Variants in BTG1 observed in about 807,000 individuals in gnomAD.
BTG1 encodes BTG anti-proliferation factor 1.
Under a neutral mutation model 15.2 loss-of-function variants are expected in BTG1, and 2 were observed. The ratio of observed to expected loss-of-function variants is 0.13; its 90% CI spans 0.05 to 0.41. The LOEUF is 0.41. BTG1 is among the 10% of genes least tolerant of loss of function. The pLI is 0.99. For missense variants in BTG1, 149 were observed against 215.0 expected (o/e 0.69, Z 1.92); for synonymous variants, 109 against 82.4 (o/e 1.32, Z -1.75).
At position 92,142,284 on chromosome 12, in the gene BTG1, ATTTCAAGTAATTACTAATTTTAT is replaced by A; in HGVS notation, c.*1773_*1795del. On this transcript the variant is annotated 3_prime_UTR_variant, in exon 2 of 2. Transcript: ENST00000256015. ...TCTTAAAAGTTATTTGAGATTACTAATTTCAAGTAATTACTAATTTTATTTCAGACTGCGTATTTCCAGTGTCA... is the reference window on the plus strand; with the variant it reads ...TCTTAAAAGTTATTTGAGATTACTAATTCAGACTGCGTATTTCCAGTGTCA... The A allele has an allele frequency of 4.3e-6, 1 of 230,830 alleles. No homozygotes were observed. The highest frequency in any genetic ancestry group is 8.6e-6 in the Non-Finnish European group (1 of 116,614). 14.3% of individuals were successfully genotyped at this position (230,830 alleles called of 1,614,324 possible).
In BTG1 at chr12:92,143,846, T is replaced by G; in HGVS notation, c.*234A>C. The G allele has an allele frequency of 2.0e-6, 1 of 499,456 alleles. No individual in the cohort carries two copies. The highest frequency in any genetic ancestry group is 3.4e-6 in the Non-Finnish European group (1 of 290,330). The allele number at this position is 499,456 out of a possible 1,614,324, so 30.9% of individuals were successfully genotyped here. On this transcript the variant is annotated 3_prime_UTR_variant, in exon 2 of 2. Coordinates refer to ENST00000256015, the MANE Select transcript of BTG1 (RefSeq NM_001731.3). ...CCCTAGGACTTCCCTCCCTAGCAAA[T>G]AAAGTGATCATTTACTTGGACTCAC...
chr12:92,145,240 G>T, intron 1 of BTG1, 148 bp downstream of exon 1: 1 of 1,216,476 alleles, frequency 8.2e-7, no homozygotes, highest in Non-Finnish European at 1.1e-6. Context: ...CGCTGTTAGC[G>T]GCCACCCAGC....
chr12:92,145,434 C>G lies in BTG1; in HGVS notation c.102G>C (p.Glu34Asp). Residue 34 changes from glutamate (E) to aspartate (D), a missense_variant, in exon 1 of 2, where the codon GAG (glutamate) becomes GAC (aspartate). By Grantham distance (45) the Glu-to-Asp change is conservative (BLOSUM62 2). This residue lies in a region of BTG1 where 63 missense variants were observed against 60.8 expected (regional missense o/e 1.04). Transcript: ENST00000256015. ...TCTGGCTGAAGGTCTGCAGCTGTCG[C>G]TCGCTCGTGAGCCCCTTGGTGCGGA... ...KFLRTKGLTS[E>D]RQLQTFSQSL... 1 of 1,592,138 alleles carries G rather than the reference C, an allele frequency of 6.3e-7. No homozygotes were observed. The highest frequency in any genetic ancestry group is 8.5e-7 in the Non-Finnish European group (1 of 1,170,738).
chr12:92,141,311 C>T lies in BTG1; in HGVS notation c.*2769G>A, dbSNP rs1870208284. The T allele has an allele frequency of 4.3e-6, 1 of 232,510 alleles. No individual in the cohort carries two copies. Among genetic ancestry groups the T allele is most frequent in the Non-Finnish European group, 8.5e-6 (1 of 117,684 alleles). The allele number at this position is 232,510 out of a possible 1,614,324, so 14.4% of individuals were successfully genotyped here. On this transcript the variant is annotated 3_prime_UTR_variant, in exon 2 of 2. Coordinates refer to ENST00000256015, the MANE Select transcript of BTG1 (RefSeq NM_001731.3). ...GAAATATTGCACATAAGGATAAAGA[C>T]ATGAGATTCCCATTCCAGATGACAA...
rs28399533 is a variant in BTG1 at position 92,145,822 on chromosome 12, G to C, written c.-287C>G. ...TCCGCAGCATTCGAAGATCTCAATAGCTGCATTTCCAGCTCCGAGAGGCGA... is the reference window on the plus strand; with the variant it reads ...TCCGCAGCATTCGAAGATCTCAATACCTGCATTTCCAGCTCCGAGAGGCGA... On this transcript the variant is annotated 5_prime_UTR_variant, in exon 1 of 2. Transcript: ENST00000256015. The C allele has an allele frequency of 1.6e-5, 4 of 246,638 alleles. No individual in the cohort carries two copies. The highest frequency in any genetic ancestry group is 1.1e-4 in the Admixed American group (2 of 17,936). 15.3% of individuals were successfully genotyped at this position (246,638 alleles called of 1,614,324 possible).
Position 92,140,742 on chromosome 12 carries a change from G to C in BTG1, c.*3338C>G, listed in dbSNP as rs1389876528. ...ATAAAAGTTCAGTGGCAGAGACTGA[G>C]AGATAAGTCTAAAATGTTGGCAGTC... On this transcript the variant is annotated 3_prime_UTR_variant, in exon 2 of 2. Coordinates refer to ENST00000256015, the MANE Select transcript of BTG1 (RefSeq NM_001731.3). The C allele has an allele frequency of 4.3e-6, 1 of 232,330 alleles. No homozygotes were observed. Among genetic ancestry groups the C allele is most frequent in the Middle Eastern group, 1.3e-3 (1 of 780 alleles). The allele number at this position is 232,330 out of a possible 1,614,324, so 14.4% of individuals were successfully genotyped here. A position where few individuals can be genotyped will look rare whatever the true frequency, so the allele number is the denominator to read the frequency against.
rs1307333410 is a variant in BTG1 at position 92,144,302 on chromosome 12, G to C, written c.294C>G (p.Leu98=). The C allele has an allele frequency of 6.2e-7, 1 of 1,614,210 alleles. No individual in the cohort carries two copies. Among genetic ancestry groups the C allele is most frequent in the East Asian group, 2.2e-5 (1 of 44,880 alleles). Residue 98 remains leucine, a synonymous_variant, in exon 2 of 2, where the codon CTC becomes CTG. Coordinates refer to ENST00000256015, the MANE Select transcript of BTG1 (RefSeq NM_001731.3). The part of the protein sequence containing the change: ...GLSSQELFRL[L]PSELTLWVDP... ...CAACCCAGAGTGTGAGTTCACTTGG[G>C]AGAAGCCTGAACAGCTCCTGACTGC...
chr12:92,141,105 C>T lies in BTG1; in HGVS notation c.*2975G>A. The T allele has an allele frequency of 4.3e-6, 1 of 232,870 alleles. No homozygotes were observed. 14.4% of individuals were successfully genotyped at this position (232,870 alleles called of 1,614,324 possible). On this transcript the variant is annotated 3_prime_UTR_variant, in exon 2 of 2. Transcript: ENST00000256015. Reference sequence around the variant, plus strand: ...AGCCTGGAAACCTGTAGTCATTAAACACTAGCCATCGGGAATACGGCTTCC... The same window carrying T: ...AGCCTGGAAACCTGTAGTCATTAAATACTAGCCATCGGGAATACGGCTTCC...
chr12:92,144,120 C>A lies in BTG1; in HGVS notation c.476G>T (p.Ser159Ile). ...CATCATATTGTAGTTTTTGGAAGGG[C>A]TCGTTCTGCCCAAGAGAAGTTCCTC... ...CKEELLLGRTSPSKNYNMMTV... is the reference protein window; with the variant it reads ...CKEELLLGRTIPSKNYNMMTV... The change falls in exon 2 of 2, where the codon AGC becomes ATC. Residue 159 changes from serine (S) to isoleucine (I), a missense_variant. Transcript: ENST00000256015. 6.2e-7 allele frequency: 1 copy of A among 1,613,434 alleles called. No individual in the cohort carries two copies. The highest frequency in any genetic ancestry group is 1.1e-5 in the South Asian group (1 of 91,058).
intron 1 of BTG1, 91 bp downstream of exon 1, chr12:92,145,269 CGGCGGGGCCCAAGCGCGACCGGCCCCGG>C (rs1870509621): frequency 7.6e-7 from 1 of 1,309,222 alleles, no homozygotes; most frequent in East Asian, 3.1e-5. Flanking sequence ...ACCGGTCCCG[CGGCGGGGCCCAAGCGCGACCGGCCCCGG>C]GGCGCTGCCG....
Position 92,145,268 on chromosome 12 carries a change from G to A in BTG1, c.148+120C>T, listed in dbSNP as rs957963850. ...CACCCAGCGCAACCACACCGGTCCC[G>A]CGGCGGGGCCCAAGCGCGACCGGCC... On this transcript the variant is annotated intron_variant, in intron 1 of 1. Coordinates refer to ENST00000256015, the MANE Select transcript of BTG1 (RefSeq NM_001731.3). 3.1e-6 allele frequency: 4 copies of A among 1,306,802 alleles called. No individual in the cohort carries two copies. The African/African-American group carries it at 6.2e-5, about 20-fold the overall frequency. The allele number at this position is 1,306,802 out of a possible 1,614,324, so 81.0% of individuals were successfully genotyped here.
In BTG1 at chr12:92,141,919, G is replaced by A. The variant is rs763230441; in HGVS notation, c.*2161C>T. 4 of 232,116 alleles carry A rather than the reference G, an allele frequency of 1.7e-5. No individual in the cohort carries two copies. 14.4% of individuals were successfully genotyped at this position (232,116 alleles called of 1,614,324 possible). On this transcript the variant is annotated 3_prime_UTR_variant, in exon 2 of 2. Coordinates refer to ENST00000256015, the MANE Select transcript of BTG1 (RefSeq NM_001731.3). Reference sequence around the variant, plus strand: ...TATGATAAAAAAAAAAAATGGTTGAGGTACTTAGTTTCAATGGAGTTACCA... The same window carrying A: ...TATGATAAAAAAAAAAAATGGTTGAAGTACTTAGTTTCAATGGAGTTACCA...
Position 92,141,923 on chromosome 12 carries a change from C to A in BTG1, c.*2157G>T, listed in dbSNP as rs1056577970. 7 of 231,554 alleles carry A rather than the reference C, an allele frequency of 3.0e-5. No homozygotes were observed. The highest frequency in any genetic ancestry group is 1.5e-4 in the African/African-American group (7 of 45,182). 14.3% of individuals were successfully genotyped at this position (231,554 alleles called of 1,614,324 possible). A position where few individuals can be genotyped will look rare whatever the true frequency, so the allele number is the denominator to read the frequency against. ...ATAAAAAAAAAAAATGGTTGAGGTA[C>A]TTAGTTTCAATGGAGTTACCAGATG... On this transcript the variant is annotated 3_prime_UTR_variant, in exon 2 of 2. Transcript: ENST00000256015.
Position 92,141,094 on chromosome 12 carries a change from T to G in BTG1, c.*2986A>C, listed in dbSNP as rs1158982137. The G allele has an allele frequency of 4.3e-6, 1 of 232,786 alleles. No individual in the cohort carries two copies. Among genetic ancestry groups the G allele is most frequent in the Non-Finnish European group, 8.5e-6 (1 of 117,814 alleles). The allele number at this position is 232,786 out of a possible 1,614,324, so 14.4% of individuals were successfully genotyped here. ...AGATTAAAGGGAGCCTGGAAACCTGTAGTCATTAAACACTAGCCATCGGGA... is the reference window on the plus strand; with the variant it reads ...AGATTAAAGGGAGCCTGGAAACCTGGAGTCATTAAACACTAGCCATCGGGA... On this transcript the variant is annotated 3_prime_UTR_variant, in exon 2 of 2. Coordinates refer to ENST00000256015, the MANE Select transcript of BTG1 (RefSeq NM_001731.3).
chr12:92,145,655 G>A lies in BTG1; in HGVS notation c.-120C>T. ...AGGCTGAGAGGAAGAGAGGGCGTGA[G>A]GGGCGGACGACTACTTTTGTCTTTC... is the stretch of plus-strand genomic sequence containing the variant. On this transcript the variant is annotated 5_prime_UTR_variant, in exon 1 of 2. Coordinates refer to ENST00000256015, the MANE Select transcript of BTG1 (RefSeq NM_001731.3). The A allele has an allele frequency of 4.9e-6, 3 of 617,422 alleles. No homozygotes were observed. Among genetic ancestry groups the A allele is most frequent in the East Asian group, 3.6e-5 (1 of 27,612 alleles). 38.2% of individuals were successfully genotyped at this position (617,422 alleles called of 1,614,324 possible). A position where few individuals can be genotyped will look rare whatever the true frequency, so the allele number is the denominator to read the frequency against.
chr12:92,145,638 A>C lies in BTG1; in HGVS notation c.-103T>G. 1 of 808,102 alleles carries C rather than the reference A, an allele frequency of 1.2e-6. No individual in the cohort carries two copies. Among genetic ancestry groups the C allele is most frequent in the Non-Finnish European group, 1.7e-6 (1 of 591,698 alleles). 50.1% of individuals were successfully genotyped at this position (808,102 alleles called of 1,614,324 possible). Reference sequence around the variant, plus strand: ...CTTCCTCACCGGGCGGAAGGCTGAGAGGAAGAGAGGGCGTGAGGGGCGGAC... The same window carrying C: ...CTTCCTCACCGGGCGGAAGGCTGAGCGGAAGAGAGGGCGTGAGGGGCGGAC... On this transcript the variant is annotated 5_prime_UTR_variant, in exon 1 of 2. Coordinates refer to ENST00000256015, the MANE Select transcript of BTG1 (RefSeq NM_001731.3).
In BTG1 at chr12:92,142,771, T is replaced by C. The variant is rs555587169; in HGVS notation, c.*1309A>G. 17 of 233,078 alleles carry C rather than the reference T, an allele frequency of 7.3e-5. No homozygotes were observed. In the East Asian group the frequency reaches 1.0e-3, roughly 14 times the overall value. 14.4% of individuals were successfully genotyped at this position (233,078 alleles called of 1,614,324 possible). On this transcript the variant is annotated 3_prime_UTR_variant, in exon 2 of 2. Transcript: ENST00000256015. Reference sequence around the variant, plus strand: ...ACAAAGAATCCATGGGGCAAAGTAATTGTTTTTCAAAGGTGGGTCAGAATG... The same window carrying C: ...ACAAAGAATCCATGGGGCAAAGTAACTGTTTTTCAAAGGTGGGTCAGAATG...
In BTG1 at chr12:92,145,844, G is replaced by A. The variant is rs28399532; in HGVS notation, c.-309C>T. ...ATAGCTGCATTTCCAGCTCCGAGAG[G>A]CGAAGAGATGCAAGCGCCGTGCAGC... is the stretch of plus-strand genomic sequence containing the variant. On this transcript the variant is annotated 5_prime_UTR_variant, in exon 1 of 2. Coordinates refer to ENST00000256015, the MANE Select transcript of BTG1 (RefSeq NM_001731.3). 0.021 allele frequency: 4,853 copies of A among 233,124 alleles called. 92 individuals carry two copies. The highest frequency in any genetic ancestry group is 0.05 in the African/African-American group (2,233 of 44,896). 14.4% of individuals were successfully genotyped at this position (233,124 alleles called of 1,614,324 possible). A position where few individuals can be genotyped will look rare whatever the true frequency, so the allele number is the denominator to read the frequency against.
At chr12:92,144,522 G>A in intron 1 of BTG1, 75 bp from the exon 2 acceptor site, 1 of 1,570,278 alleles carries the variant, frequency 6.4e-7, no homozygotes, top group Non-Finnish European at 8.6e-7. Context: ...CCTACCCCAG[G>A]CTCCTTTGAG....
Sources: allele counts gnomAD v4.1 joint callset, GRCh38; gene constraint gnomAD v4.1.1; regional missense constraint gnomAD v4.1.1; transcripts MANE v1.5; gene names NCBI Gene and HGNC (gene_info 2026-07-23, HGNC 2026-07-21).